Variants in FANCC observed in about 807,000 individuals in gnomAD.
FANCC encodes the protein FA complementation group C, also known as Fanconi anemia group C protein.
A neutral mutation model predicts 71.3 loss-of-function variants in FANCC; 55 were observed. The ratio of observed to expected loss-of-function variants is 0.77; its 90% confidence interval spans 0.62 to 0.97. The LOEUF is 0.97. Among genes scored for constraint, FANCC ranks in the 50% least tolerant of loss-of-function variants. FANCC has a pLI of 0.00. For missense variants in FANCC, 678 were observed against 670.9 expected, an observed-to-expected ratio of 1.01 and a Z score of -0.12; for synonymous variants, 275 against 244.9, an observed-to-expected ratio of 1.12 and a Z score of -1.15.
chr9:95,272,422 A>G (rs982789496), intron 1 of FANCC, among the ~76,000 whole-genome samples: 1 of 152,120 alleles, frequency 6.6e-6, no homozygotes. Context: ...AACTTTTACC[A>G]CTAAAATGAA....
intron 4 of FANCC, among the ~76,000 whole-genome samples, chr9:95,193,886 A>G (rs1827255299): frequency 6.6e-6 from 1 of 152,238 alleles, no homozygotes. Context: ...ATGCTGCCAC[A>G]GGAAGACATA....
At position 95,112,910 on chromosome 9, in the gene FANCC, C is replaced by T. The variant is rs4647532; in HGVS notation, c.1155-1273G>A. On this transcript the variant is annotated intron_variant, in intron 12 of 14. Transcript: ENST00000289081. ...GGTTGCTGTTTTATTCCAGTCTTCA[C>T]GCATTTGACATCACACATTCTGAGT... Among the ~76,000 whole-genome samples the T allele has an allele frequency of 8.6e-3, 1,304 of 152,330 alleles. 19 individuals carry two copies. Among genetic ancestry groups the T allele is most frequent in the Non-Finnish European group, 0.012 (819 of 68,034 alleles).
In FANCC at chr9:95,240,700, A is replaced by G. The variant is rs2136049291; in HGVS notation, c.294T>C (p.Ile98=). ...GTCCAGAATTCTGTGGTTCTTTGTT[A>G]ATTAGACAACATAAGCACCATATTA... ...KILIWCLCCL[I]NKEPQNSGQS... is the part of the protein sequence containing the mutation. Residue 98 remains isoleucine, a synonymous_variant, in exon 4 of 15, where the codon ATT becomes ATC. Transcript: ENST00000289081. 1 of 1,613,398 alleles carries G rather than the reference A, an allele frequency of 6.2e-7. No individual in the cohort carries two copies. The highest frequency in any genetic ancestry group is 8.5e-7 in the Non-Finnish European group (1 of 1,179,600).
intron 6 of FANCC, among the ~76,000 whole-genome samples, chr9:95,150,556 A>G (rs911563024): frequency 2.0e-5 from 3 of 152,332 alleles, no homozygotes; most frequent in Non-Finnish European, 4.4e-5. Context: ...CCTGGGTGAC[A>G]GAGTAGCCTC....
intron 1 of FANCC, among the ~76,000 whole-genome samples, chr9:95,314,596 G>A (rs371410523): frequency 5.1e-4 from 78 of 151,934 alleles, no homozygotes; most frequent in Non-Finnish European, 8.4e-4. Flanking sequence ...AGATTGCAGT[G>A]AGCCGAGATC....
At chr9:95,177,116 G>A (rs757289875) in intron 4 of FANCC, among the ~76,000 whole-genome samples, 11 of 152,188 alleles carry the variant, frequency 7.2e-5, no homozygotes, top group East Asian at 5.8e-4. Flanking sequence ...GTTTCTTTGC[G>A]TGCAAACATC....
At chr9:95,167,535 A>G (rs1415048265) in intron 6 of FANCC, among the ~76,000 whole-genome samples, 1 of 151,900 alleles carries the variant, frequency 6.6e-6, no homozygotes, top group Admixed American at 6.6e-5. Flanking sequence ...AATAATTTCA[A>G]ATGATTTGTG....
At chr9:95,271,924 CTTCTTTTTTTT>C (rs1832749637) in intron 1 of FANCC, among the ~76,000 whole-genome samples, 1 of 67,240 alleles carries the variant, frequency 1.5e-5, no homozygotes, top group Non-Finnish European at 3.1e-5. Flanking sequence ...CATCAAGCCT[CTTCTTTTTTTT>C]TTTTTTTTTT....
chr9:95,123,662 G>A (rs1481920407), intron 10 of FANCC: 2 of 638,442 alleles, frequency 3.1e-6, no homozygotes, highest in Non-Finnish European at 5.9e-6. Context: ...AGTGGAGGCT[G>A]CAGCAGTCAG....
chr9:95,209,123 T>C (rs938684134), intron 4 of FANCC, among the ~76,000 whole-genome samples: 1 of 152,148 alleles, frequency 6.6e-6, no homozygotes, highest in Non-Finnish European at 1.5e-5. Flanking sequence ...AAGAAGCCAA[T>C]CTGAAATGGC....
chr9:95,109,617 C>G (rs1363035328), intron 13 of FANCC: 1 of 152,192 alleles, frequency 6.6e-6, no homozygotes, highest in African/African-American at 2.4e-5. Context: ...CAGGCCTTCT[C>G]ACAGGCAGGA....
chr9:95,154,051 G>A (rs1830324461), intron 6 of FANCC, among the ~76,000 whole-genome samples: 1 of 151,962 alleles, frequency 6.6e-6, no homozygotes, highest in African/African-American at 2.4e-5. Context: ...TACGAGACCA[G>A]CCTGATCAAT....
At position 95,111,606 on chromosome 9, in the gene FANCC, G is replaced by A. The variant is rs1413368653; in HGVS notation, c.1186C>T (p.Leu396=). 1.9e-6 allele frequency: 3 copies of A among 1,614,060 alleles called. No individual in the cohort carries two copies. The highest frequency in any genetic ancestry group is 2.7e-5 in the African/African-American group (2 of 74,946). Residue 396 remains leucine, a synonymous_variant, in exon 13 of 15, where the codon CTG becomes TTG. Coordinates refer to ENST00000289081, the MANE Select transcript of FANCC (RefSeq NM_000136.3). ...GCCCATCCTCCGAAGTGAATGAACA[G>A]GAACCAGCTCTCAAAGGGACCTCCG... ...SCGGPFESWF[L]FIHFGGWAEM... is the part of the protein sequence containing the mutation.
chr9:95,117,090 TTTTG>T (rs1300330674), intron 11 of FANCC, among the ~76,000 whole-genome samples: 2 of 152,208 alleles, frequency 1.3e-5, no homozygotes, highest in Non-Finnish European at 2.9e-5. Flanking sequence ...GCCATTGTTT[TTTTG>T]TTTGTTTTCT....
chr9:95,207,782 G>A (rs755399066), intron 4 of FANCC, among the ~76,000 whole-genome samples: 1 of 152,136 alleles, frequency 6.6e-6, no homozygotes, highest in African/African-American at 2.4e-5. Flanking sequence ...CAAAGCTGCT[G>A]GAGCCATAAA....
intron 1 of FANCC, among the ~76,000 whole-genome samples, chr9:95,291,967 A>AATATATATATATATATAT (rs34066396): frequency 6.0e-5 from 3 of 50,412 alleles, no homozygotes; most frequent in Non-Finnish European, 1.0e-4. Context: ...AAAAAAAAAA[A>AATATATATATATATATAT]ATATATATAT....
At chr9:95,128,047 A>C (rs1826273534) in intron 8 of FANCC, among the ~76,000 whole-genome samples, 1 of 152,234 alleles carries the variant, frequency 6.6e-6, no homozygotes, top group African/African-American at 2.4e-5. Flanking sequence ...TCTATGCAAG[A>C]AAATAATTTG....
rs373400616 is a variant in FANCC, at chr9:95,309,348, C to T, written c.-79+8178G>A. 1.4e-4 allele frequency among the ~76,000 whole-genome samples: 22 copies of T among 152,242 alleles called. No individual in the cohort carries two copies. In the East Asian group the frequency reaches 3.9e-3, roughly 27 times the overall value. On this transcript the variant is annotated intron_variant, in intron 1 of 14. Transcript: ENST00000289081. ...AATAATAAACGGTTACTCACTCTTACGGCCTATGATTGGAAATTCCTAGCT... is the reference window on the plus strand; with the variant it reads ...AATAATAAACGGTTACTCACTCTTATGGCCTATGATTGGAAATTCCTAGCT...
chr9:95,120,719 T>C (rs2072808844), intron 10 of FANCC, among the ~76,000 whole-genome samples: 1 of 152,212 alleles, frequency 6.6e-6, no homozygotes, highest in South Asian at 2.1e-4. Flanking sequence ...TGAGCCGCCG[T>C]GCCCAGCCAG....
Sources: gnomAD v4.1 joint callset for allele counts (sites outside exome capture counted in the v4.1 genomes callset) on GRCh38, gnomAD v4.1.1 for gene constraint, MANE v1.5 for transcripts, NCBI Gene and HGNC (gene_info 2026-07-23, HGNC 2026-07-21) for gene names.